MEMO1: variants seen among roughly 807,000 people sequenced by gnomAD.
The protein encoded by MEMO1 is protein MEMO1.
MEMO1 carries 6 observed loss-of-function variants against 45.2 expected under a neutral mutation model. The ratio of observed to expected loss-of-function variants is 0.13; its 90% CI spans 0.07 to 0.26. MEMO1 has a LOEUF of 0.26. Ranked by LOEUF, MEMO1 falls within the 10% of genes least tolerant of loss-of-function variation. The pLI is 1.00. For missense variants in MEMO1, 184 were observed against 370.5 expected (o/e 0.50, Z 4.13); for synonymous variants, 78 against 124.3 (o/e 0.63, Z 2.48).
intron 8 of MEMO1, among the ~76,000 whole-genome samples, chr2:31,872,869 T>C (rs1428912472): frequency 6.6e-6 from 1 of 152,116 alleles, no homozygotes; most frequent in African/African-American, 2.4e-5. Context: ...ACCTCTCTAA[T>C]TGAAAAATTC....
At chr2:31,988,996 C>T (rs905845585) in intron 2 of MEMO1, among the ~76,000 whole-genome samples, 1 of 151,996 alleles carries the variant, frequency 6.6e-6, no homozygotes, top group East Asian at 1.9e-4. Context: ...CACCTGAGTT[C>T]GGGAGTTTGA....
chr2:31,937,790 G>A (rs1393595674), intron 3 of MEMO1, among the ~76,000 whole-genome samples: 1 of 152,066 alleles, frequency 6.6e-6, no homozygotes, highest in Non-Finnish European at 1.5e-5. Context: ...CAAAGTACCT[G>A]TTTTATAGTA....
At chr2:31,871,628 T>C (rs564932203) in intron 8 of MEMO1, among the ~76,000 whole-genome samples, 1 of 152,248 alleles carries the variant, frequency 6.6e-6, no homozygotes, top group East Asian at 1.9e-4. Flanking sequence ...TAATGCTAAG[T>C]TGGTTGTCCC....
At chr2:31,950,938 G>A (rs910257308) in intron 2 of MEMO1, among the ~76,000 whole-genome samples, 2 of 151,964 alleles carry the variant, frequency 1.3e-5, no homozygotes, top group Non-Finnish European at 2.9e-5. Context: ...CCATAGTATC[G>A]TCCTTCATAC....
chr2:31,871,190 TTTATA>T (rs1673668965), intron 8 of MEMO1, among the ~76,000 whole-genome samples: 1 of 152,228 alleles, frequency 6.6e-6, no homozygotes, highest in Non-Finnish European at 1.5e-5. Context: ...GTTAAAACAC[TTTATA>T]TTAAATAAAC....
At chr2:31,992,702 C>T (rs529886325) in intron 2 of MEMO1, among the ~76,000 whole-genome samples, 12 of 152,126 alleles carry the variant, frequency 7.9e-5, no homozygotes, top group South Asian at 2.1e-4. Context: ...GAGAATCACT[C>T]GAACCCAGGA....
intron 6 of MEMO1, among the ~76,000 whole-genome samples, chr2:31,899,790 A>AAAGGGCTAATATCTAG (rs1411282517): frequency 1.3e-5 from 2 of 152,266 alleles, no homozygotes; most frequent in Non-Finnish European, 2.9e-5. Context: ...TCCATCTGAC[A>AAAGGGCTAATATCTAG]AAGGGCTAAT....
At chr2:31,882,729 A>G (rs548597518) in intron 8 of MEMO1, among the ~76,000 whole-genome samples, 3 of 152,248 alleles carry the variant, frequency 2.0e-5, no homozygotes, top group East Asian at 3.9e-4. Context: ...CACTGTCATC[A>G]TAAGGCTATG....
chr2:31,912,098 C>T (rs1258606633), intron 6 of MEMO1, among the ~76,000 whole-genome samples: 6 of 152,064 alleles, frequency 3.9e-5, no homozygotes, highest in Non-Finnish European at 7.4e-5. Flanking sequence ...CTTTGGGAGG[C>T]CGAGGGCGGG....
At chr2:31,977,813 C>G (rs1572873434) in intron 2 of MEMO1, among the ~76,000 whole-genome samples, 1 of 152,170 alleles carries the variant, frequency 6.6e-6, no homozygotes, top group Admixed American at 6.6e-5. Context: ...CATGAGCCAC[C>G]ATGCCCAGCA....
intron 2 of MEMO1, among the ~76,000 whole-genome samples, chr2:32,009,504 G>A (rs1164856329): frequency 6.6e-6 from 1 of 152,164 alleles, no homozygotes; most frequent in African/African-American, 2.4e-5. Context: ...GTAAAAAAGT[G>A]CTACCCTTCA....
At chr2:31,934,575 G>T (rs1432583575) in intron 3 of MEMO1, among the ~76,000 whole-genome samples, 5 of 151,964 alleles carry the variant, frequency 3.3e-5, no homozygotes. Flanking sequence ...AGGGCCTAAA[G>T]ACTAAAGGAA....
At chr2:31,899,064 C>A (rs577481247) in intron 6 of MEMO1, among the ~76,000 whole-genome samples, 1 of 152,072 alleles carries the variant, frequency 6.6e-6, no homozygotes, top group Non-Finnish European at 1.5e-5. Flanking sequence ...AAACATCCCA[C>A]GCTCATGGAT....
At chr2:31,945,674 C>G (rs1666110988) in intron 2 of MEMO1, among the ~76,000 whole-genome samples, 1 of 152,170 alleles carries the variant, frequency 6.6e-6, no homozygotes, top group Non-Finnish European at 1.5e-5. Context: ...CAAATGAGAT[C>G]ATCAAGAGAG....
intron 3 of MEMO1, among the ~76,000 whole-genome samples, chr2:31,936,870 T>C (rs1223017253): frequency 6.6e-6 from 1 of 152,188 alleles, no homozygotes; most frequent in Non-Finnish European, 1.5e-5. Context: ...TTCTACTTAA[T>C]AGTAGCAAAA....
intron 6 of MEMO1, among the ~76,000 whole-genome samples, chr2:31,900,271 G>A (rs1678579758): frequency 1.3e-5 from 2 of 152,132 alleles, no homozygotes; most frequent in Admixed American, 1.3e-4. Context: ...CAAAGACTTG[G>A]AACCAACCCA....
chr2:31,997,050 G>T (rs550042440), intron 2 of MEMO1, among the ~76,000 whole-genome samples: 1 of 152,228 alleles, frequency 6.6e-6, no homozygotes, highest in African/African-American at 2.4e-5. Flanking sequence ...AAACTTATTT[G>T]ACCATAAACC....
intron 4 of MEMO1, among the ~76,000 whole-genome samples, chr2:31,922,539 C>T (rs1261868771): frequency 6.6e-6 from 1 of 151,942 alleles, no homozygotes; most frequent in African/African-American, 2.4e-5. Context: ...AGGTAAATTA[C>T]GTGTTGCCAA....
chr2:31,917,032 C>T (rs899472239), intron 6 of MEMO1, among the ~76,000 whole-genome samples: 4 of 152,162 alleles, frequency 2.6e-5, no homozygotes, highest in Non-Finnish European at 4.4e-5. Flanking sequence ...ATCACAAGTA[C>T]ATTTGCCAAC....
Sources: gnomAD v4.1 joint callset for allele counts (sites outside exome capture counted in the v4.1 genomes callset) on GRCh38, gnomAD v4.1.1 for gene constraint, MANE v1.5 for transcripts, NCBI Gene and HGNC (gene_info 2026-07-23, HGNC 2026-07-21) for gene names.